NHS: variants seen among roughly 807,000 people sequenced by gnomAD.
NHS encodes actin remodeling regulator NHS.
Under a neutral mutation model 72.5 loss-of-function variants are expected in NHS, and 5 were observed. The ratio of observed to expected loss-of-function variants is 0.07; its 90% CI spans 0.04 to 0.14. The LOEUF is 0.14. Among genes scored for constraint, NHS ranks in the 10% least tolerant of loss-of-function variants. NHS has a pLI of 1.00. For missense variants in NHS, 1,072 were observed against 1,355.7 expected, an observed-to-expected ratio of 0.79 and a Z score of 3.29; for synonymous variants, 464 against 547.7, an observed-to-expected ratio of 0.85 and a Z score of 2.13.
intron 1 of NHS, among the ~76,000 whole-genome samples, chrX:17,540,042 G>A (rs1233355580): frequency 2.7e-5 from 3 of 112,181 alleles, no homozygotes; most frequent in African/African-American, 9.7e-5. Flanking sequence ...GGAGTTATTT[G>A]TTGCTACAGC....
chrX:17,723,698 G>C (rs1248157828), intron 5 of NHS, among the ~76,000 whole-genome samples: 1 of 105,411 alleles, frequency 9.5e-6, no homozygotes. Context: ...CAAATCCTTA[G>C]ACTGTTGAGT....
intron 1 of NHS, among the ~76,000 whole-genome samples, chrX:17,378,665 T>C (rs761951746): frequency 6.2e-5 from 7 of 112,232 alleles, no homozygotes; most frequent in Non-Finnish European, 9.4e-5. Flanking sequence ...GGAAAGCCAG[T>C]ACACCATGTA....
intron 1 of NHS, among the ~76,000 whole-genome samples, chrX:17,432,527 C>G (rs762959949): frequency 1.8e-5 from 2 of 112,939 alleles, no homozygotes; most frequent in South Asian, 3.6e-4. Context: ...CACTTTGCCT[C>G]TACCTCGTTT....
At chrX:17,721,037 G>A (rs769577671) in intron 4 of NHS, among the ~76,000 whole-genome samples, 3 of 111,995 alleles carry the variant, frequency 2.7e-5, no homozygotes, top group Non-Finnish European at 3.8e-5. Flanking sequence ...TTTCATAGGT[G>A]TCTAACTCAT....
rs530971006 is a variant in NHS at position 17,561,574 on chromosome X, GCACACACACACACACACACA to G, written c.566-126141_566-126122del. On this transcript the variant is annotated intron_variant, in intron 1 of 8. Transcript: ENST00000676302. ...CAAGTGCATGCGCGCGCGCGCGCGCGCACACACACACACACACACACACACACACACACACACACACACAC... is the reference window on the plus strand; with the variant it reads ...CAAGTGCATGCGCGCGCGCGCGCGCGCACACACACACACACACACACACAC... Among the ~76,000 whole-genome samples the G allele has an allele frequency of 1.1e-4, 7 of 65,401 alleles. No homozygotes were observed. In the East Asian group the frequency reaches 2.3e-3, roughly 22 times the overall value. 56.8% of individuals were successfully genotyped at this position (65,401 alleles called of 115,157 possible).
At chrX:17,582,766 C>T (rs967588456) in intron 1 of NHS, among the ~76,000 whole-genome samples, 11 of 112,753 alleles carry the variant, frequency 9.8e-5, no homozygotes, top group African/African-American at 3.5e-4. Flanking sequence ...ACTTGGCCTT[C>T]GTGTGCCTCA....
chrX:17,728,376 T>C (rs1378364888), intron 7 of NHS, 48 bp downstream of exon 7: 3 of 1,124,675 alleles, frequency 2.7e-6, no homozygotes, highest in African/African-American at 3.6e-5. Context: ...CTCATGGCAC[T>C]TCCTGGAATT....
At chrX:17,410,205 G>T (rs1291557022) in intron 1 of NHS, among the ~76,000 whole-genome samples, 1 of 111,002 alleles carries the variant, frequency 9.0e-6, no homozygotes, top group East Asian at 2.8e-4. Context: ...TAAAAAAATG[G>T]CTGTGTCTGA....
At chrX:17,453,305 A>T (rs930956564) in intron 1 of NHS, among the ~76,000 whole-genome samples, 7 of 111,666 alleles carry the variant, frequency 6.3e-5, no homozygotes, top group Non-Finnish European at 1.1e-4. Context: ...CTGTGCATAG[A>T]AGGCATGGGG....
At chrX:17,504,316 C>A (rs1249449752) in intron 1 of NHS, among the ~76,000 whole-genome samples, 2 of 112,046 alleles carry the variant, frequency 1.8e-5, no homozygotes, top group African/African-American at 6.5e-5. Flanking sequence ...TTAGGAACAA[C>A]AGGAGTCTTC....
chrX:17,388,081 TTTG>T (rs777953478), intron 1 of NHS, among the ~76,000 whole-genome samples: 3 of 111,825 alleles, frequency 2.7e-5, no homozygotes, highest in African/African-American at 6.5e-5. Context: ...TTAAGGTTCT[TTTG>T]TTGTTGTTGT....
rs758229745 is a variant in NHS at position 17,725,889 on chromosome X, G to A, written c.1783G>A (p.Asp595Asn). 1 of 1,209,602 alleles carries A rather than the reference G, an allele frequency of 8.3e-7. No homozygotes were observed. The highest frequency in any genetic ancestry group is 1.8e-5 in the African/African-American group (1 of 57,029). ...AATGGCTGCTGACTCTGGCAGCTGT[G>A]ACATCTCCTCCAACTCAGACACGTT... ...SRMAADSGSC[D>N]ISSNSDTFGS... Residue 595 changes from aspartate (D) to asparagine (N), a missense_variant, in exon 7 of 9, where the codon GAC (aspartate) becomes AAC (asparagine). Physicochemically the swap from Asp to Asn is conservative, Grantham distance 23. Coordinates refer to ENST00000676302, the MANE Select transcript of NHS (RefSeq NM_001291867.2).
At position 17,725,783 on chromosome X, in the gene NHS, T is replaced by C; in HGVS notation, c.1677T>C (p.Pro559=). Residue 559 remains proline (P), a synonymous_variant, in exon 7 of 9, where the codon CCT becomes CCC. Transcript: ENST00000676302. ...PSSPSAQDHQ[P]TLGLACSQHL... ...GCCCGAGTGCCCAGGACCACCAGCC[T>C]ACTTTGGGCCTGGCCTGCTCTCAAC... 1 of 1,211,613 alleles carries C rather than the reference T, an allele frequency of 8.3e-7. No individual in the cohort carries two copies. Among genetic ancestry groups the C allele is most frequent in the Non-Finnish European group, 1.1e-6 (1 of 895,462 alleles).
chrX:17,407,571 G>A (rs1032295293), intron 1 of NHS, among the ~76,000 whole-genome samples: 1 of 111,319 alleles, frequency 9.0e-6, no homozygotes, highest in Admixed American at 9.5e-5. Context: ...TTTTTTTTGG[G>A]GGAAGATTAT....
chrX:17,457,615 C>T (rs2064830512), intron 1 of NHS, among the ~76,000 whole-genome samples: 1 of 111,724 alleles, frequency 9.0e-6, no homozygotes, highest in Non-Finnish European at 1.9e-5. Flanking sequence ...AAACAAATAT[C>T]CAAACCATAG....
intron 1 of NHS, among the ~76,000 whole-genome samples, chrX:17,592,037 T>C (rs1208637526): frequency 1.8e-5 from 2 of 110,861 alleles, no homozygotes; most frequent in Non-Finnish European, 3.8e-5. Flanking sequence ...TGTGTGTGTG[T>C]ACATGTGCAT....
In NHS at chrX:17,528,165, C is replaced by T. The variant is rs965899415; in HGVS notation, c.565+151843C>T. Among the ~76,000 whole-genome samples the T allele has an allele frequency of 2.7e-5, 3 of 111,724 alleles. No homozygotes were observed. In the East Asian group the frequency reaches 8.5e-4, roughly 31 times the overall value. ...CTGGAGACATTTTTGGTTGCCACAA[C>T]TGGAGAAAAGGGGCATCTGGTGAGG... On this transcript the variant is annotated intron_variant, in intron 1 of 8. Coordinates refer to ENST00000676302, the MANE Select transcript of NHS (RefSeq NM_001291867.2).
intron 1 of NHS, among the ~76,000 whole-genome samples, chrX:17,474,684 T>TATAC (rs2064906877): frequency 8.9e-6 from 1 of 112,029 alleles, no homozygotes; most frequent in Non-Finnish European, 1.9e-5. Context: ...GCAAGTTTCC[T>TATAC]CTAGGTAGGG....
chrX:17,396,939 C>T (rs2064478305), intron 1 of NHS, among the ~76,000 whole-genome samples: 1 of 111,662 alleles, frequency 9.0e-6, no homozygotes, highest in African/African-American at 3.3e-5. Context: ...CATTTTTTTT[C>T]ATACTCATTC....
Sources: allele counts gnomAD v4.1 joint callset (sites outside exome capture counted in the v4.1 genomes callset), GRCh38; gene constraint gnomAD v4.1.1; transcripts MANE v1.5; gene names NCBI Gene and HGNC (gene_info 2026-07-23, HGNC 2026-07-21).